The following EPB41L4A variants were observed in gnomAD, a reference collection of about 807,000 sequenced individuals.
EPB41L4A encodes the protein band 4.1-like protein 4A.
A neutral mutation model predicts 108.6 loss-of-function variants in EPB41L4A; 100 were observed. That is an observed-to-expected ratio of 0.92 (90% CI 0.78 to 1.09). EPB41L4A has a LOEUF of 1.09. EPB41L4A is among the 50% of genes least tolerant of loss of function. EPB41L4A has a pLI of 0.00. For missense variants in EPB41L4A, 1,030 were observed against 842.7 expected (o/e 1.22, Z -2.75); for synonymous variants, 319 against 289.0 (o/e 1.10, Z -1.05).
chr5:112,401,171 A>G (rs919982137), intron 1 of EPB41L4A, among the ~76,000 whole-genome samples: 1 of 152,230 alleles, frequency 6.6e-6, no homozygotes, highest in African/African-American at 2.4e-5. Flanking sequence ...AAAAAGTCAC[A>G]GTAACCTGCA....
chr5:112,184,405 CTTATT>C (rs1209453963), intron 17 of EPB41L4A, among the ~76,000 whole-genome samples: 1 of 151,984 alleles, frequency 6.6e-6, no homozygotes, highest in Admixed American at 6.5e-5. Flanking sequence ...GTATCAAAAA[CTTATT>C]TTAAACATTT....
intron 1 of EPB41L4A, among the ~76,000 whole-genome samples, chr5:112,399,211 C>A (rs945699707): frequency 2.0e-5 from 3 of 151,136 alleles, no homozygotes; most frequent in African/African-American, 7.4e-5. Flanking sequence ...CTTTCTGTTT[C>A]TGCCTCAGGA....
intron 1 of EPB41L4A, among the ~76,000 whole-genome samples, chr5:112,341,669 T>A (rs1335102257): frequency 6.6e-6 from 1 of 152,080 alleles, no homozygotes. Flanking sequence ...TCTGGCACTT[T>A]GGGAGGCTGA....
At chr5:112,302,469 GAAC>G (rs1754427791) in intron 2 of EPB41L4A, among the ~76,000 whole-genome samples, 1 of 152,164 alleles carries the variant, frequency 6.6e-6, no homozygotes, top group Admixed American at 6.5e-5. Flanking sequence ...TCCGAGTAGT[GAAC>G]AACAGCTAAA....
At chr5:112,227,997 C>T (rs765393401) in intron 12 of EPB41L4A, among the ~76,000 whole-genome samples, 10 of 152,274 alleles carry the variant, frequency 6.6e-5, no homozygotes, top group African/African-American at 2.2e-4. Context: ...AAAGTGCTCA[C>T]GTCTGGAGTA....
At chr5:112,395,250 C>G (rs2112703917) in intron 1 of EPB41L4A, among the ~76,000 whole-genome samples, 1 of 152,280 alleles carries the variant, frequency 6.6e-6, no homozygotes. Flanking sequence ...CAAATGGGAT[C>G]TAATGAAACT....
At chr5:112,399,687 G>A (rs987433199) in intron 1 of EPB41L4A, among the ~76,000 whole-genome samples, 2 of 152,086 alleles carry the variant, frequency 1.3e-5, no homozygotes, top group Non-Finnish European at 2.9e-5. Flanking sequence ...ATACCACCAG[G>A]GTTCTTCTCT....
chr5:112,371,689 G>A (rs1045244075), intron 1 of EPB41L4A, among the ~76,000 whole-genome samples: 4 of 152,040 alleles, frequency 2.6e-5, no homozygotes, highest in African/African-American at 4.8e-5. Flanking sequence ...GACTATAAAC[G>A]TGGCAGAATT....
rs559033213 is a variant in EPB41L4A, at chr5:112,411,268, TG to T, written c.99+7672del. ...CAGATGTGGAGTTTCAGCATTCTAG[TG>T]GTGGTTGAGGCAATGTGAGTAGATG... On this transcript the variant is annotated intron_variant, in intron 1 of 22. Transcript: ENST00000261486. 7.9e-5 allele frequency among the ~76,000 whole-genome samples: 12 copies of T among 152,164 alleles called. No homozygotes were observed. The South Asian group carries it at 2.5e-3, about 32-fold the overall frequency.
intron 1 of EPB41L4A, among the ~76,000 whole-genome samples, chr5:112,388,178 A>AT (rs1760687315): frequency 1.3e-5 from 2 of 152,172 alleles, no homozygotes; most frequent in Admixed American, 6.5e-5. Flanking sequence ...ACAGCCAGCA[A>AT]TTTTTCACAA....
intron 9 of EPB41L4A, among the ~76,000 whole-genome samples, chr5:112,250,234 A>G (rs1029834561): frequency 6.6e-6 from 1 of 152,222 alleles, no homozygotes; most frequent in Non-Finnish European, 1.5e-5. Context: ...TGTGAAAACC[A>G]TCTTACCCAT....
At chr5:112,403,337 CAAA>C (rs113132902) in intron 1 of EPB41L4A, among the ~76,000 whole-genome samples, 5 of 78,648 alleles carry the variant, frequency 6.4e-5, no homozygotes, top group Non-Finnish European at 9.6e-5. Flanking sequence ...TAATCCTCAG[CAAA>C]AAAAAAAAAA....
intron 1 of EPB41L4A, among the ~76,000 whole-genome samples, chr5:112,391,016 A>G (rs981204981): frequency 6.6e-6 from 1 of 152,242 alleles, no homozygotes; most frequent in Non-Finnish European, 1.5e-5. Context: ...AACAGAAAGG[A>G]ATAGCATCAA....
chr5:112,373,795 A>T (rs1463711339), intron 1 of EPB41L4A, among the ~76,000 whole-genome samples: 4 of 152,246 alleles, frequency 2.6e-5, no homozygotes, highest in Admixed American at 2.6e-4. Context: ...AACATCAGAA[A>T]GGTCCAAGAC....
At chr5:112,340,918 C>T (rs1757275147) in intron 1 of EPB41L4A, among the ~76,000 whole-genome samples, 1 of 152,088 alleles carries the variant, frequency 6.6e-6, no homozygotes, top group African/African-American at 2.4e-5. Context: ...ACCTACTGTT[C>T]ACAATGCAGG....
At chr5:112,348,583 G>T (rs931340035) in intron 1 of EPB41L4A, among the ~76,000 whole-genome samples, 6 of 152,134 alleles carry the variant, frequency 3.9e-5, no homozygotes, top group African/African-American at 1.4e-4. Context: ...GGAAGCAGGT[G>T]GGGGAGGGGT....
At chr5:112,310,941 A>C (rs1181387604) in intron 1 of EPB41L4A, among the ~76,000 whole-genome samples, 3 of 152,166 alleles carry the variant, frequency 2.0e-5, no homozygotes, top group African/African-American at 7.2e-5. Flanking sequence ...ATCCAATAGC[A>C]AAGGCATCCA....
chr5:112,264,243 C>G (rs1580560982), intron 6 of EPB41L4A: 1 of 152,288 alleles, frequency 6.6e-6, no homozygotes, highest in South Asian at 2.1e-4. Context: ...GAAATTAAAA[C>G]TTCAGTGCTA....
rs116817649 is a variant in EPB41L4A at position 112,370,357 on chromosome 5, C to T, written c.99+48584G>A. 7.1e-3 allele frequency among the ~76,000 whole-genome samples: 1,077 copies of T among 151,994 alleles called. 13 individuals are homozygous for T. Among genetic ancestry groups the T allele is most frequent in the African/African-American group, 0.024 (986 of 41,470 alleles). On this transcript the variant is annotated intron_variant, in intron 1 of 22. Coordinates refer to ENST00000261486, the MANE Select transcript of EPB41L4A (RefSeq NM_022140.5). ...TGACCAAATTACTCACTTTTAATCT[C>T]TCGATGGTATTCTATATCTTTCTTG... is the stretch of plus-strand genomic sequence containing the variant.
Sources: gnomAD v4.1 joint callset for allele counts (sites outside exome capture counted in the v4.1 genomes callset) on GRCh38, gnomAD v4.1.1 for gene constraint, MANE v1.5 for transcripts, NCBI Gene and HGNC (gene_info 2026-07-23, HGNC 2026-07-21) for gene names.